Variants in PTGER3 observed in about 807,000 individuals in gnomAD.
The protein encoded by PTGER3 is prostaglandin E2 receptor EP3 subtype.
PTGER3 carries 22 observed loss-of-function variants against 34.7 expected under a neutral mutation model. The observed-to-expected ratio is 0.63, with a 90% CI of 0.45 to 0.91. The LOEUF (loss-of-function observed/expected upper bound fraction) is 0.91. PTGER3 is among the 40% of genes least tolerant of loss of function. The pLI, the probability that PTGER3 is intolerant of heterozygous loss-of-function variation, is 0.00. For missense variants in PTGER3, 468 were observed against 519.4 expected, an observed-to-expected ratio of 0.90 and a Z score of 0.96; for synonymous variants, 241 against 230.1, an observed-to-expected ratio of 1.05 and a Z score of -0.43.
At chr1:70,920,072 AG>A (rs1228671147) in intron 4 of PTGER3, among the ~76,000 whole-genome samples, 4 of 152,284 alleles carry the variant, frequency 2.6e-5, no homozygotes, top group Non-Finnish European at 5.9e-5. Flanking sequence ...CATGGGGCTG[AG>A]TTTGAGGCCC....
At chr1:71,011,630 C>T (rs1188603541) in intron 2 of PTGER3, 4 of 983,384 alleles carry the variant, frequency 4.1e-6, no homozygotes, top group African/African-American at 1.7e-5. Context: ...ACCTAATTAT[C>T]AATCCAAGTA....
In PTGER3 at chr1:70,910,751, T is replaced by C. The variant is rs968467505; in HGVS notation, c.*23+43012A>G. Among the ~76,000 whole-genome samples the C allele has an allele frequency of 2.0e-5, 3 of 152,116 alleles. No individual in the cohort carries two copies. The South Asian group carries it at 6.2e-4, about 32-fold the overall frequency. On this transcript the variant is annotated intron_variant, in intron 4 of 4. Transcript: ENST00000370931. ...AAGAAACAAATTAAGCGAGCATTGG[T>C]TAGAAAAAATGTCAATGAGCCACGT...
At chr1:70,928,400 AG>A (rs1390558029) in intron 4 of PTGER3, among the ~76,000 whole-genome samples, 36 of 151,934 alleles carry the variant, frequency 2.4e-4, no homozygotes, top group Admixed American at 2.0e-3. Context: ...TTGGGAGCCA[AG>A]GGGGAAAGAT....
chr1:70,956,273 A>G (rs1256654349), intron 2 of PTGER3, among the ~76,000 whole-genome samples: 4 of 152,204 alleles, frequency 2.6e-5, no homozygotes, highest in Non-Finnish European at 5.9e-5. Flanking sequence ...CCAGCTGTGT[A>G]CCAGATTAGT....
At chr1:70,882,674 C>T (rs11807666) in intron 4 of PTGER3, among the ~76,000 whole-genome samples, 5,842 of 152,162 alleles carry the variant, frequency 0.038, 275 homozygotes, top group East Asian at 0.22. Context: ...CAGATGGGAG[C>T]GTGGGGGGCC....
intron 4 of PTGER3, among the ~76,000 whole-genome samples, chr1:70,928,914 A>G (rs1335523442): frequency 6.6e-6 from 1 of 151,944 alleles, no homozygotes; most frequent in Non-Finnish European, 1.5e-5. Flanking sequence ...ATACACACAT[A>G]CATATATATA....
At chr1:71,013,285 G>C (rs556193549) in intron 1 of PTGER3, among the ~76,000 whole-genome samples, 1 of 152,098 alleles carries the variant, frequency 6.6e-6, no homozygotes, top group South Asian at 2.1e-4. Flanking sequence ...CAGTATATGA[G>C]TTATATGTAT....
intron 4 of PTGER3, among the ~76,000 whole-genome samples, chr1:70,945,891 C>T (rs1447651161): frequency 6.6e-6 from 1 of 151,934 alleles, no homozygotes; most frequent in Non-Finnish European, 1.5e-5. Context: ...CCTCAGAAAC[C>T]AGAGAATGCA....
At chr1:70,995,773 C>T (rs1655886455) in intron 2 of PTGER3, among the ~76,000 whole-genome samples, 1 of 152,012 alleles carries the variant, frequency 6.6e-6, no homozygotes, top group African/African-American at 2.4e-5. Flanking sequence ...TATAAGTGTT[C>T]ACTATTAATA....
chr1:71,044,574 T>C (rs940374113), intron 1 of PTGER3, among the ~76,000 whole-genome samples: 3 of 152,198 alleles, frequency 2.0e-5, no homozygotes, highest in Non-Finnish European at 4.4e-5. Context: ...GAAAATAAAT[T>C]GAAATTAAGT....
chr1:70,868,488 G>C (rs1646093342), intron 4 of PTGER3, among the ~76,000 whole-genome samples: 1 of 152,168 alleles, frequency 6.6e-6, no homozygotes, highest in Non-Finnish European at 1.5e-5. Flanking sequence ...TGGGCACAAA[G>C]TAATGTACAA....
chr1:70,967,334 A>C (rs1418685067), downstream of PTGER3, among the ~76,000 whole-genome samples: 2 of 152,122 alleles, frequency 1.3e-5, no homozygotes, highest in South Asian at 2.1e-4. Context: ...CTATGTGCTT[A>C]GTACTGACTC....
At chr1:70,952,675 A>T in exon 4 of PTGER3, 1 of 1,152,158 alleles carries the variant, frequency 8.7e-7, no homozygotes, top group South Asian at 3.4e-5. Flanking sequence ...ACCATGTGCT[A>T]TTCTTACTAT....
At chr1:71,029,160 A>T (rs1659188767) in intron 1 of PTGER3, among the ~76,000 whole-genome samples, 2 of 152,226 alleles carry the variant, frequency 1.3e-5, no homozygotes, top group South Asian at 4.1e-4. Context: ...TGATCTTCTT[A>T]TTCCTATTCT....
chr1:71,043,167 TAA>T (rs986215106), intron 1 of PTGER3, among the ~76,000 whole-genome samples: 7 of 152,282 alleles, frequency 4.6e-5, no homozygotes, highest in African/African-American at 1.7e-4. Flanking sequence ...TCATAAAATA[TAA>T]AACATAAAAT....
At chr1:70,905,291 CCA>C (rs1204777073) in intron 4 of PTGER3, among the ~76,000 whole-genome samples, 3 of 152,018 alleles carry the variant, frequency 2.0e-5, no homozygotes, top group East Asian at 3.9e-4. Context: ...GTCAGAGCAC[CCA>C]CACAGTGTCC....
chr1:70,964,372 A>T (rs1004468911), intron 2 of PTGER3, among the ~76,000 whole-genome samples: 1 of 152,224 alleles, frequency 6.6e-6, no homozygotes, highest in Non-Finnish European at 1.5e-5. Flanking sequence ...GCCAACAAAA[A>T]CATAGCTAAA....
intron 2 of PTGER3, chr1:71,008,042 T>A (rs550377489): frequency 1.7e-5 from 17 of 984,838 alleles, no homozygotes; most frequent in African/African-American, 7.0e-5. Context: ...CTACTGGCAC[T>A]TTAAAAATAT....
chr1:71,020,502 A>C (rs1658309233), intron 1 of PTGER3, among the ~76,000 whole-genome samples: 1 of 152,094 alleles, frequency 6.6e-6, no homozygotes, highest in Admixed American at 6.6e-5. Flanking sequence ...TTTTTGGGGC[A>C]AAGCTGGAAA....
Sources: allele counts gnomAD v4.1 joint callset (sites outside exome capture counted in the v4.1 genomes callset), GRCh38; gene constraint gnomAD v4.1.1; transcripts MANE v1.5; gene names NCBI Gene and HGNC (gene_info 2026-07-23, HGNC 2026-07-21).